INPP5K: variants seen among roughly 807,000 people sequenced by gnomAD.
INPP5K encodes inositol polyphosphate-5-phosphatase K, also known as inositol polyphosphate 5-phosphatase K.
A neutral mutation model predicts 53.5 loss-of-function variants in INPP5K; 35 were observed. The ratio of observed to expected loss-of-function variants is 0.65; its 90% CI spans 0.50 to 0.87. INPP5K has a LOEUF of 0.87. Ranked by LOEUF, INPP5K falls within the 40% of genes least tolerant of loss-of-function variation. INPP5K has a pLI of 0.00. For missense variants in INPP5K, 550 were observed against 586.2 expected (o/e 0.94, Z 0.64); for synonymous variants, 253 against 232.8 (o/e 1.09, Z -0.79).
intron 9 of INPP5K, 105 bp from the exon 10 acceptor site, chr17:1,496,507 T>G (rs2074845927): frequency 7.6e-7 from 1 of 1,317,270 alleles, no homozygotes; most frequent in Admixed American, 1.9e-5. Flanking sequence ...CCGTACTGTG[T>G]GCCTCCCCGC....
chr17:1,505,340 GGTC>G (rs1483227089), intron 7 of INPP5K, among the ~76,000 whole-genome samples: 6 of 152,118 alleles, frequency 3.9e-5, no homozygotes, highest in African/African-American at 1.4e-4. Flanking sequence ...TGCCCAGGCA[GGTC>G]TTGAACTCCT....
intron 1 of INPP5K, 43 bp downstream of exon 1, chr17:1,516,413 A>T: frequency 6.4e-7 from 1 of 1,562,972 alleles, no homozygotes; most frequent in Non-Finnish European, 8.6e-7. Context: ...AGGGGCGCCG[A>T]TCCCCCCGAG....
At position 1,507,033 on chromosome 17, in the gene INPP5K, T is replaced by C. The variant is rs533554987; in HGVS notation, c.723A>G (p.Leu241=). 5 of 1,613,388 alleles carry C rather than the reference T, an allele frequency of 3.1e-6. No homozygotes were observed. The highest frequency in any genetic ancestry group is 4.2e-6 in the Non-Finnish European group (5 of 1,179,850). The change falls in exon 7 of 12, where the codon CTA becomes CTG. Residue 241 remains leucine (L), a synonymous_variant. Transcript: ENST00000421807. ...CAAACTTGTAGGTGGGCGGGAAGAGTAGGCGGCCCTCCTGGAACTCCCGGA... is the reference window on the plus strand; with the variant it reads ...CAAACTTGTAGGTGGGCGGGAAGAGCAGGCGGCCCTCCTGGAACTCCCGGA... ...PLLREFQEGR[L]LFPPTYKFDR...
chr17:1,509,447 T>G, intron 4 of INPP5K, 94 bp from the exon 5 acceptor site: 1 of 1,213,792 alleles, frequency 8.2e-7, no homozygotes, highest in Non-Finnish European at 1.2e-6. Flanking sequence ...CAGTCTCACT[T>G]CCTGCAGGGT....
chr17:1,515,589 G>T (rs2075415227), intron 1 of INPP5K: 9 of 985,572 alleles, frequency 9.1e-6, no homozygotes, highest in African/African-American at 1.7e-5. Flanking sequence ...TGGAGATCTG[G>T]AATGGCAGAG....
intron 8 of INPP5K, among the ~76,000 whole-genome samples, chr17:1,497,359 A>G (rs2074883027): frequency 6.6e-6 from 1 of 152,144 alleles, no homozygotes; most frequent in Non-Finnish European, 1.5e-5. Context: ...TAGTCCCGCT[A>G]CTAGGGAGGC....
In INPP5K at chr17:1,498,082, A is replaced by G. The variant is rs2074907832; in HGVS notation, c.817T>C (p.Trp273Arg). ...GCACAGGGCTGCCGCTTCAGCCTCC[A>G]CAGGATGCGATCGGTCCATGCAGGC... is the stretch of plus-strand genomic sequence containing the variant. Reference protein sequence around the residue: ...RKPAWTDRILWRLKRQPCAGP... With the variant: ...RKPAWTDRILRRLKRQPCAGP... The change falls in exon 8 of 12, where the codon TGG becomes CGG. Residue 273 changes from tryptophan to arginine, a missense_variant. Trp to Arg is a moderately radical substitution (Grantham distance 101). Transcript: ENST00000421807. 6.2e-7 allele frequency: 1 copy of G among 1,613,896 alleles called. No individual in the cohort carries two copies. The highest frequency in any genetic ancestry group is 8.5e-7 in the Non-Finnish European group (1 of 1,179,872).
rs1366839912 is a variant in INPP5K at position 1,496,743 on chromosome 17, C to T, written c.1024G>A (p.Glu342Lys). The change falls in exon 9 of 12, where the codon GAA becomes AAA. Residue 342 changes from glutamate (E) to lysine (K), a missense_variant. By Grantham distance (56) the Glu-to-Lys change is moderately conservative. Coordinates refer to ENST00000421807, the MANE Select transcript of INPP5K (RefSeq NM_016532.4). The stretch of plus-strand genomic sequence containing the variant: ...GAGTAGCTGACCATCATGTCATTTT[C>T]CACGGTCCACAGGTCCTCGGGCATC... ...VLMPEDLWTVENDMMVSYSST... is the reference protein window; with the variant it reads ...VLMPEDLWTVKNDMMVSYSST... 6.2e-7 allele frequency: 1 copy of T among 1,614,108 alleles called. No homozygotes were observed. The highest frequency in any genetic ancestry group is 1.3e-5 in the African/African-American group (1 of 74,940).
intron 5 of INPP5K, 117 bp downstream of exon 5, chr17:1,509,061 G>A (rs1404805369): frequency 3.5e-6 from 3 of 862,120 alleles, no homozygotes; most frequent in Non-Finnish European, 5.3e-6. Context: ...TCACTCGTGG[G>A]GGTCAGCGTG....
At chr17:1,513,100 C>T (rs2075345904) in intron 3 of INPP5K, among the ~76,000 whole-genome samples, 1 of 152,148 alleles carries the variant, frequency 6.6e-6, no homozygotes, top group Admixed American at 6.5e-5. Context: ...TAAATGACAG[C>T]CGTATGATTA....
Position 1,496,783 on chromosome 17 carries a change from A to C in INPP5K, c.984T>G (p.Ala328=). 6.2e-7 allele frequency: 1 copy of C among 1,614,126 alleles called. No individual in the cohort carries two copies. Among genetic ancestry groups the C allele is most frequent in the Non-Finnish European group, 8.5e-7 (1 of 1,180,010 alleles). The change falls in exon 9 of 12, where the codon GCT becomes GCG. Residue 328 remains alanine (A), a synonymous_variant. Transcript: ENST00000421807. The part of the protein sequence containing the change: ...FDLELKPLVS[A]PLIVLMPEDL... Reference sequence around the variant, plus strand: ...CCTCGGGCATCAGGACGATCAGCGGAGCAGACACCAATGGCTTCAGCTAGA... The same window carrying C: ...CCTCGGGCATCAGGACGATCAGCGGCGCAGACACCAATGGCTTCAGCTAGA...
At chr17:1,514,933 G>A (rs2075398385) in intron 1 of INPP5K, among the ~76,000 whole-genome samples, 1 of 142,986 alleles carries the variant, frequency 7.0e-6, no homozygotes, top group Admixed American at 7.0e-5. Context: ...TTGAGACTGA[G>A]TCTCACTCTG....
In INPP5K at chr17:1,497,893, A is replaced by G. The variant is rs774458269; in HGVS notation, c.963+43T>C. 5 of 1,543,864 alleles carry G rather than the reference A, an allele frequency of 3.2e-6. No individual in the cohort carries two copies. In the African/African-American group the frequency reaches 5.4e-5, roughly 17 times the overall value. On this transcript the variant is annotated intron_variant, in intron 8 of 11. Transcript: ENST00000421807. ...TGGAGGGCTTGGGGATGTGGCCAGC[A>G]TAGCTATTCCTCTGGCAAGTATCAG...
chr17:1,509,673 C>G lies in INPP5K; in HGVS notation c.378+10G>C. 6.6e-7 allele frequency: 1 copy of G among 1,507,480 alleles called. No individual in the cohort carries two copies. The allele number at this position is 1,507,480 out of a possible 1,614,324, so 93.4% of individuals were successfully genotyped here. On this transcript the variant is annotated intron_variant, in intron 4 of 11. Transcript: ENST00000421807. ...CCAGCTCACGACTCAGACAATAGCT[C>G]AGTCCTTACCCAGTACCCAAACAGG...
chr17:1,512,802 G>C (rs369920902), intron 3 of INPP5K, among the ~76,000 whole-genome samples: 3 of 152,158 alleles, frequency 2.0e-5, no homozygotes, highest in South Asian at 2.1e-4. Context: ...AGAATCTGAA[G>C]TGCACGTCCC....
chr17:1,509,590 A>G (rs1394095203), intron 4 of INPP5K, 93 bp downstream of exon 4: 4 of 978,558 alleles, frequency 4.1e-6, no homozygotes, highest in East Asian at 2.4e-5. Context: ...TGGACAGAGG[A>G]CCAAGATTCC....
At chr17:1,495,915 G>T in intron 11 of INPP5K, 36 bp from the exon 12 acceptor site, 2 of 1,569,402 alleles carry the variant, frequency 1.3e-6, no homozygotes, top group African/African-American at 1.3e-5. Context: ...AATGGAGAGC[G>T]GGTCTTCCTC....
At chr17:1,516,022 G>A (rs2150996846) in intron 1 of INPP5K, 1 of 1,012,628 alleles carries the variant, frequency 9.9e-7, no homozygotes, top group African/African-American at 1.7e-5. Context: ...GCAGGCAAGA[G>A]ACCAGGCTAA....
At chr17:1,501,010 G>A in intron 7 of INPP5K, among the ~76,000 whole-genome samples, 1 of 148,688 alleles carries the variant, frequency 6.7e-6, no homozygotes, top group Non-Finnish European at 1.5e-5. Flanking sequence ...CCAGGCTGGA[G>A]TGCAGTGGCG....
Sources: allele counts gnomAD v4.1 joint callset (sites outside exome capture counted in the v4.1 genomes callset), GRCh38; gene constraint gnomAD v4.1.1; transcripts MANE v1.5; gene names NCBI Gene and HGNC (gene_info 2026-07-23, HGNC 2026-07-21).